MAST1: variants seen among roughly 807,000 people sequenced by gnomAD.
The protein encoded by MAST1 is microtubule associated serine/threonine kinase 1.
A neutral mutation model predicts 124.6 loss-of-function variants in MAST1; 40 were observed. That is an observed-to-expected ratio of 0.32 (90% confidence interval 0.25 to 0.42). The LOEUF (loss-of-function observed/expected upper bound fraction) is 0.42. Among genes scored for constraint, MAST1 ranks in the 10% least tolerant of loss-of-function variants. MAST1 has a pLI of 1.00. For synonymous variants in MAST1, 938 were observed against 939.4 expected (o/e 1.00, Z 0.03); for missense variants, 1,558 against 2,181.9 (o/e 0.71, Z 5.70).
rs1568413516 is a variant in MAST1 at position 12,865,909 on chromosome 19, G to A, written c.1907-71G>A. The A allele has an allele frequency of 9.3e-6, 15 of 1,607,586 alleles. No individual in the cohort carries two copies. Among genetic ancestry groups the A allele is most frequent in the Non-Finnish European group, 1.3e-5 (15 of 1,175,490 alleles). ...CCAGCCTGTGCTGTGGCCCCGGGGC[G>A]GAAGACATGGGGGGCGGGGCTGGGC... is the stretch of plus-strand genomic sequence containing the variant. On this transcript the variant is annotated intron_variant, in intron 16 of 25. Transcript: ENST00000251472. This position sits in a 1 kb window ranked among gnomAD's most constrained non-coding sequence, Gnocchi z 7.1.
In MAST1 at chr19:12,865,826, C is replaced by A. The variant is rs149277170; in HGVS notation, c.1906+8C>A. On this transcript the variant is annotated splice_region_variant and intron_variant, in intron 16 of 25. Coordinates refer to ENST00000251472, the MANE Select transcript of MAST1 (RefSeq NM_014975.3). This position sits in a 1 kb window ranked among gnomAD's most constrained non-coding sequence, Gnocchi z 7.1. Reference sequence around the variant, plus strand: ...TGGTCAGGCTTGGGGCAGGTAAGTCCGCCATGCAGAGGAGCTGAGGGCCCA... The same window carrying A: ...TGGTCAGGCTTGGGGCAGGTAAGTCAGCCATGCAGAGGAGCTGAGGGCCCA... 6.2e-7 allele frequency: 1 copy of A among 1,611,316 alleles called. No homozygotes were observed. Among genetic ancestry groups the A allele is most frequent in the Non-Finnish European group, 8.5e-7 (1 of 1,178,458 alleles).
At chr19:12,870,983 G>T (rs569336418) in intron 23 of MAST1, 37 bp downstream of exon 23, 12 of 1,613,612 alleles carry the variant, frequency 7.4e-6, no homozygotes, top group African/African-American at 4.0e-5. Context: ...GGCGGAGGGT[G>T]GGGGAGGCCT....
rs778600276 is a variant in MAST1, at chr19:12,873,304, GC to G, written c.3264-15del. 8 of 1,605,750 alleles carry G rather than the reference GC, an allele frequency of 5.0e-6. No homozygotes were observed. Among genetic ancestry groups the G allele is most frequent in the Non-Finnish European group, 6.8e-6 (8 of 1,173,700 alleles). ...CTGGCGTCCAGGTCAAGGACGCTTG[GC>G]CCCCTCCCTGTCCCGCAGCAAGAAG... On this transcript the variant is annotated intron_variant, in intron 24 of 25. Transcript: ENST00000251472.
rs1372984410 is a variant in MAST1 at position 12,866,311 on chromosome 19, A to C, written c.2029+209A>C. ...GCTGAAATGTAGGTAAGAACCTGAG[A>C]TTGGGCTAGGTGTGGGGCCTGGCCT... On this transcript the variant is annotated intron_variant, in intron 17 of 25. Coordinates refer to ENST00000251472, the MANE Select transcript of MAST1 (RefSeq NM_014975.3). The surrounding 1 kb of genome is among the most constrained non-coding windows in gnomAD (Gnocchi z 5.2). 6.6e-6 allele frequency among the ~76,000 whole-genome samples: 1 copy of C among 152,028 alleles called. No homozygotes were observed. The highest frequency in any genetic ancestry group is 1.5e-5 in the Non-Finnish European group (1 of 67,988).
At chr19:12,862,975 C>A (rs554779369) in intron 12 of MAST1, among the ~76,000 whole-genome samples, 38 of 151,402 alleles carry the variant, frequency 2.5e-4, no homozygotes, top group African/African-American at 8.9e-4. Context: ...CCAATGAAAC[C>A]CTGTTTCTAC....
Position 12,873,637 on chromosome 19 carries a change from C to G in MAST1, c.3480C>G (p.Ala1160=). 2 of 1,592,992 alleles carry G rather than the reference C, an allele frequency of 1.3e-6. No individual in the cohort carries two copies. Among genetic ancestry groups the G allele is most frequent in the Non-Finnish European group, 1.7e-6 (2 of 1,172,928 alleles). The change falls in exon 26 of 26, where the codon GCC becomes GCG. Residue 1160 remains alanine, a synonymous_variant. Transcript: ENST00000251472. The part of the protein sequence containing the change: ...LGASSQSSSP[A]SSTPNSPASS... The stretch of plus-strand genomic sequence containing the variant: ...CCTCATCCCAGAGCAGCTCCCCAGC[C>G]TCGAGCACGCCCAACTCGCCTGCGT...
rs1970296702 is a variant in MAST1 at position 12,874,842 on chromosome 19, T to G, written c.4685T>G (p.Val1562Gly). ...VPPAGLTKKG[V>G]SSPAPPGP ...CCAGCAGGCCTGACCAAAAAAGGAG[T>G]GTCCAGTCCCGCACCCCCGGGACCA... The change falls in exon 26 of 26, where the codon GTG (valine) becomes GGG (glycine). Residue 1562 changes from valine to glycine, a missense_variant. Physicochemically the swap from Val to Gly is moderately radical, Grantham distance 109. This residue lies in a region of MAST1 where 168 missense variants were observed against 154.3 expected (regional missense o/e 1.09). Coordinates refer to ENST00000251472, the MANE Select transcript of MAST1 (RefSeq NM_014975.3). The surrounding 1 kb of genome is among the most constrained non-coding windows in gnomAD (Gnocchi z 6.6). The G allele has an allele frequency of 6.3e-7, 1 of 1,596,872 alleles. No homozygotes were observed. Among genetic ancestry groups the G allele is most frequent in the South Asian group, 1.1e-5 (1 of 89,808 alleles).
chr19:12,871,565 C>T (rs1358013340), intron 24 of MAST1, among the ~76,000 whole-genome samples: 2 of 151,968 alleles, frequency 1.3e-5, no homozygotes, highest in Non-Finnish European at 2.9e-5. Flanking sequence ...CAAGATTGTG[C>T]CACTGCACTC....
rs755473522 is a variant in MAST1 at position 12,843,512 on chromosome 19, C to A, written c.249-17C>A. 5.0e-6 allele frequency: 8 copies of A among 1,611,788 alleles called. No individual in the cohort carries two copies. Among genetic ancestry groups the A allele is most frequent in the Non-Finnish European group, 6.8e-6 (8 of 1,178,930 alleles). ...GCTGGGGCCTTGTGGCCTCTGAGCA[C>A]CTTGGCTGGGTTCCAGGGCGGACGG... On this transcript the variant is annotated splice_polypyrimidine_tract_variant and intron_variant, in intron 3 of 25. Coordinates refer to ENST00000251472, the MANE Select transcript of MAST1 (RefSeq NM_014975.3). The surrounding 1 kb of genome is among the most constrained non-coding windows in gnomAD (Gnocchi z 4.9).
At chr19:12,855,470 T>TAGAAGA (rs558609691) in intron 10 of MAST1, among the ~76,000 whole-genome samples, 4 of 151,626 alleles carry the variant, frequency 2.6e-5, no homozygotes, top group African/African-American at 9.7e-5. Context: ...TAAAAAAAAA[T>TAGAAGA]AGAAGAAGAA....
At chr19:12,868,103 A>ATTTT (rs34988246) in intron 20 of MAST1, 126 bp downstream of exon 20, 3,976 of 321,076 alleles carry the variant, frequency 0.012, 235 homozygotes, top group Admixed American at 0.016. Flanking sequence ...GCAATTTGGG[A>ATTTT]TTTTTTTTTT....
At chr19:12,840,854 G>C in intron 2 of MAST1, 137 bp from the exon 3 acceptor site, 2 of 694,084 alleles carry the variant, frequency 2.9e-6, no homozygotes, top group Non-Finnish European at 5.3e-6. Context: ...AAAATTTAGA[G>C]AGGCGGGGCC....
In MAST1 at chr19:12,873,649, C is replaced by G; in HGVS notation, c.3492C>G (p.Pro1164=). The part of the protein sequence containing the change: ...SQSSSPASST[P]NSPASSASHH... The stretch of plus-strand genomic sequence containing the variant: ...GCAGCTCCCCAGCCTCGAGCACGCC[C>G]AACTCGCCTGCGTCGTCGGCGTCGC... Residue 1164 remains proline, a synonymous_variant, in exon 26 of 26, where the codon CCC becomes CCG. Transcript: ENST00000251472. 1 of 1,596,260 alleles carries G rather than the reference C, an allele frequency of 6.3e-7. No individual in the cohort carries two copies. Among genetic ancestry groups the G allele is most frequent in the Non-Finnish European group, 8.5e-7 (1 of 1,175,214 alleles).
chr19:12,868,825 G>A lies in MAST1; in HGVS notation c.2749G>A (p.Ala917Thr). The A allele has an allele frequency of 6.3e-7, 1 of 1,590,170 alleles. No individual in the cohort carries two copies. Among genetic ancestry groups the A allele is most frequent in the Non-Finnish European group, 8.6e-7 (1 of 1,166,528 alleles). Residue 917 changes from alanine (A) to threonine (T), a missense_variant, in exon 21 of 26, where the codon GCC becomes ACC. Physicochemically the swap from Ala to Thr is moderately conservative, Grantham distance 58. Transcript: ENST00000251472. ...GKVIKSASATALSVMIPAVDP... is the reference protein window; with the variant it reads ...GKVIKSASATTLSVMIPAVDP... ...AGTCATCAAATCAGCCTCAGCCACT[G>A]CCTTATCTGTCATGATTCCTGCAGG...
chr19:12,866,881 G>A lies in MAST1; in HGVS notation c.2139+119G>A. 1 of 833,682 alleles carries A rather than the reference G, an allele frequency of 1.2e-6. No homozygotes were observed. The highest frequency in any genetic ancestry group is 1.9e-6 in the Non-Finnish European group (1 of 520,578). 51.6% of individuals were successfully genotyped at this position (833,682 alleles called of 1,614,324 possible). A position where few individuals can be genotyped will look rare whatever the true frequency, so the allele number is the denominator to read the frequency against. On this transcript the variant is annotated intron_variant, in intron 18 of 25. Transcript: ENST00000251472. This position sits in a 1 kb window ranked among gnomAD's most constrained non-coding sequence, Gnocchi z 5.2. ...TCAGGAGCGGGAAGTTATTGATGGG[G>A]CGGGAGTCTGGAAGGTGGTAAGGCC...
intron 12 of MAST1, among the ~76,000 whole-genome samples, chr19:12,861,694 C>A (rs1970085630): frequency 6.7e-6 from 1 of 148,414 alleles, no homozygotes; most frequent in African/African-American, 2.5e-5. Context: ...TTCTTTCTTT[C>A]TTTCTTTCTT....
chr19:12,858,912 C>A (rs1970047857), intron 12 of MAST1, 173 bp downstream of exon 12: 1 of 646,786 alleles, frequency 1.5e-6, no homozygotes, highest in Non-Finnish European at 2.7e-6. Context: ...TATATTTATT[C>A]AGTCATCTAT....
rs1008738134 is a variant in MAST1 at position 12,849,903 on chromosome 19, T to C, written c.774+1846T>C. ...ACCTCCACCTCTCAGGTTCAAGCCATTCTCCTGCCTCAGCCTCCCGAGTAG... is the reference window on the plus strand; with the variant it reads ...ACCTCCACCTCTCAGGTTCAAGCCACTCTCCTGCCTCAGCCTCCCGAGTAG... On this transcript the variant is annotated intron_variant, in intron 7 of 25. Coordinates refer to ENST00000251472, the MANE Select transcript of MAST1 (RefSeq NM_014975.3). Among the ~76,000 whole-genome samples, 5 of 152,092 alleles carry C rather than the reference T, an allele frequency of 3.3e-5. No individual in the cohort carries two copies. The East Asian group carries it at 9.8e-4, about 30-fold the overall frequency.
intron 2 of MAST1, 37 bp downstream of exon 2, chr19:12,840,571 G>A (rs369441929): frequency 2.3e-5 from 34 of 1,483,510 alleles, no homozygotes; most frequent in Non-Finnish European, 3.0e-5. Flanking sequence ...GGTGCAGACT[G>A]GCCTACAGTA....
Sources: allele counts gnomAD v4.1 joint callset (sites outside exome capture counted in the v4.1 genomes callset), GRCh38; gene constraint gnomAD v4.1.1; regional missense constraint gnomAD v4.1.1; non-coding constraint Gnocchi (gnomAD v3.1); transcripts MANE v1.5; gene names NCBI Gene and HGNC (gene_info 2026-07-23, HGNC 2026-07-21).